Variants in DMD observed in about 807,000 individuals in gnomAD.
DMD encodes the protein mutant dystrophin.
DMD carries 63 observed loss-of-function variants against 330.1 expected under a neutral mutation model. That is an observed-to-expected ratio of 0.19 (90% CI 0.16 to 0.24). The LOEUF is 0.24. Ranked by LOEUF, DMD falls within the 10% of genes least tolerant of loss-of-function variation. The probability of loss-of-function intolerance (pLI) is 1.00; values close to 1 mark genes in which losing one functional copy is unlikely to be tolerated. For missense variants in DMD, 3,344 were observed against 2,684.1 expected (o/e 1.25, Z -5.43); for synonymous variants, 1,223 against 959.8 (o/e 1.27, Z -5.07).
intron 53 of DMD, among the ~76,000 whole-genome samples, chrX:31,659,216 C>T (rs937590094): frequency 9.0e-6 from 1 of 111,571 alleles, no homozygotes; most frequent in African/African-American, 3.3e-5. Context: ...GCAATAGATA[C>T]CAAGTGACAT....
Position 31,468,735 on chromosome X carries a change from G to A in DMD, c.8937+9371C>T, listed in dbSNP as rs189032068. On this transcript the variant is annotated intron_variant, in intron 59 of 78. Coordinates refer to ENST00000357033, the MANE Select transcript of DMD (RefSeq NM_004006.3). The stretch of plus-strand genomic sequence containing the variant: ...AATATCCTTGTTAATTTTCTGTTTC[G>A]TTGATCCGTCTAATATTGACAGTGG... Among the ~76,000 whole-genome samples the A allele has an allele frequency of 4.9e-3, 550 of 111,139 alleles. 2 individuals are homozygous for A. Among genetic ancestry groups the A allele is most frequent in the Middle Eastern group, 9.3e-3 (2 of 214 alleles).
chrX:32,599,740 TAC>T (rs1406904298), intron 12 of DMD, among the ~76,000 whole-genome samples: 1 of 111,929 alleles, frequency 8.9e-6, no homozygotes, highest in Admixed American at 9.5e-5. Flanking sequence ...TACACATATA[TAC>T]ACACATACTA....
At chrX:32,662,733 CAAGA>C (rs2147102812) in intron 9 of DMD, among the ~76,000 whole-genome samples, 1 of 111,553 alleles carries the variant, frequency 9.0e-6, no homozygotes, top group Admixed American at 9.6e-5. Flanking sequence ...AGTACCTCAA[CAAGA>C]AAGTTAAGGC....
intron 36 of DMD, among the ~76,000 whole-genome samples, chrX:32,364,221 G>T (rs946195986): frequency 8.9e-6 from 1 of 112,268 alleles, no homozygotes; most frequent in African/African-American, 3.2e-5. Context: ...ATTCAGATGG[G>T]CTAAATGAAT....
At chrX:31,451,423 C>G (rs1375661006) in intron 59 of DMD, among the ~76,000 whole-genome samples, 2 of 107,851 alleles carry the variant, frequency 1.9e-5, no homozygotes, top group African/African-American at 3.4e-5. Flanking sequence ...GCTGGGATTA[C>G]AGGTGCCCGC....
At chrX:32,348,734 T>C (rs2097772235) in intron 37 of DMD, among the ~76,000 whole-genome samples, 1 of 111,678 alleles carries the variant, frequency 9.0e-6, no homozygotes, top group African/African-American at 3.2e-5. Flanking sequence ...TCACCAGAGC[T>C]GAACATACAT....
intron 55 of DMD, among the ~76,000 whole-genome samples, chrX:31,574,303 C>T (rs957714377): frequency 1.8e-5 from 2 of 108,575 alleles, no homozygotes; most frequent in Admixed American, 9.9e-5. Context: ...ACCACAACAC[C>T]CGGCTGATTT....
At chrX:31,911,183 A>G (rs1178746266) in intron 47 of DMD, among the ~76,000 whole-genome samples, 3 of 112,372 alleles carry the variant, frequency 2.7e-5, no homozygotes, top group African/African-American at 9.7e-5. Context: ...CAGAAATGAC[A>G]CATTTTAAGG....
At chrX:33,069,737 C>T (rs899578975) in intron 1 of DMD, among the ~76,000 whole-genome samples, 4 of 111,632 alleles carry the variant, frequency 3.6e-5, no homozygotes, top group African/African-American at 1.3e-4. Flanking sequence ...TTTTTACCAT[C>T]ATTTGAGAGA....
chrX:31,380,910 C>T (rs997979553), intron 60 of DMD, among the ~76,000 whole-genome samples: 1 of 110,887 alleles, frequency 9.0e-6, no homozygotes, highest in African/African-American at 3.3e-5. Context: ...GCCCAAATTT[C>T]TTCCTCACCT....
intron 65 of DMD, among the ~76,000 whole-genome samples, chrX:31,207,137 T>C (rs750360910): frequency 7.2e-5 from 8 of 111,571 alleles, no homozygotes; most frequent in Non-Finnish European, 1.1e-4. Context: ...TGCTCAGATC[T>C]TCATCAGATT....
intron 63 of DMD, among the ~76,000 whole-genome samples, chrX:31,225,222 G>A (rs2046462739): frequency 8.9e-6 from 1 of 112,354 alleles, no homozygotes; most frequent in South Asian, 3.7e-4. Flanking sequence ...AAGCTACACT[G>A]TAGAGGTGGT....
Position 33,276,433 on chromosome X carries a change from A to G in DMD, c.7+62826T>C, listed in dbSNP as rs149130040. ...CTAATTAGCAAAGTAAGAAAATGGC[A>G]ACTCAAGGTTGATCTCTGGTTTGTT... On this transcript the variant is annotated intron_variant, in intron 1 of 17. Transcript: ENST00000288447. Among the ~76,000 whole-genome samples the G allele has an allele frequency of 5.0e-4, 56 of 111,186 alleles. No individual in the cohort carries two copies. In the East Asian group the frequency reaches 0.015, roughly 29 times the overall value.
At chrX:31,918,716 C>A (rs1266714534) in intron 47 of DMD, among the ~76,000 whole-genome samples, 2 of 109,926 alleles carry the variant, frequency 1.8e-5, no homozygotes, top group African/African-American at 6.6e-5. Context: ...CCTTTCACTG[C>A]AACCTCCGCC....
intron 11 of DMD, among the ~76,000 whole-genome samples, chrX:32,618,108 G>T (rs1325846331): frequency 8.9e-6 from 1 of 111,942 alleles, no homozygotes; most frequent in Non-Finnish European, 1.9e-5. Flanking sequence ...ACAGTGTGGT[G>T]ATTCCACAAA....
At chrX:32,041,429 G>A (rs966437070) in intron 44 of DMD, among the ~76,000 whole-genome samples, 2 of 112,289 alleles carry the variant, frequency 1.8e-5, no homozygotes, top group African/African-American at 3.2e-5. Context: ...TATGGCATCT[G>A]TGGCTTGAGA....
intron 30 of DMD, among the ~76,000 whole-genome samples, chrX:32,409,140 A>G (rs760878020): frequency 9.0e-6 from 1 of 111,703 alleles, no homozygotes; most frequent in East Asian, 2.8e-4. Context: ...CTAGAAAACA[A>G]TTCACTTACT....
chrX:31,708,579 A>AT (rs1242623876), intron 52 of DMD, among the ~76,000 whole-genome samples: 2 of 111,223 alleles, frequency 1.8e-5, no homozygotes, highest in Non-Finnish European at 1.9e-5. Flanking sequence ...TTTCCTGAGC[A>AT]TTAATGTTGT....
chrX:33,007,339 C>T (rs936057372), intron 2 of DMD, among the ~76,000 whole-genome samples: 5 of 110,907 alleles, frequency 4.5e-5, no homozygotes, highest in African/African-American at 1.6e-4. Context: ...TCAGAGTGTA[C>T]ATATTCTTCC....
Sources: gnomAD v4.1 joint callset for allele counts (sites outside exome capture counted in the v4.1 genomes callset) on GRCh38, gnomAD v4.1.1 for gene constraint, MANE v1.5 for transcripts, NCBI Gene and HGNC (gene_info 2026-07-23, HGNC 2026-07-21) for gene names.